The following CYP39A1 variants were observed in gnomAD, a reference collection of about 807,000 sequenced individuals.
The protein encoded by CYP39A1 is cytochrome P450 family 39 subfamily A member 1.
A neutral mutation model predicts 58.1 loss-of-function variants in CYP39A1; 49 were observed. The observed-to-expected ratio is 0.84, with a 90% CI of 0.67 to 1.07. CYP39A1 has a LOEUF of 1.07. CYP39A1 is among the 50% of genes least tolerant of loss of function. The pLI is 0.00. For missense variants in CYP39A1, 531 were observed against 539.4 expected, an observed-to-expected ratio of 0.98 and a Z score of 0.16; for synonymous variants, 209 against 187.6, an observed-to-expected ratio of 1.11 and a Z score of -0.93.
At chr6:46,625,228 C>G (rs992590632) in intron 7 of CYP39A1, among the ~76,000 whole-genome samples, 190 bp downstream of exon 7, 4 of 152,042 alleles carry the variant, frequency 2.6e-5, no homozygotes, top group Non-Finnish European at 5.9e-5. Context: ...AGGAGTTGCA[C>G]AAAAATATGC....
At chr6:46,554,809 C>CT (rs896868545) in intron 10 of CYP39A1, among the ~76,000 whole-genome samples, 2 of 151,998 alleles carry the variant, frequency 1.3e-5, no homozygotes, top group Non-Finnish European at 1.5e-5. Flanking sequence ...GCACCAAGTC[C>CT]TTTTTTTATG....
At chr6:46,616,136 CTTTCTTTCTTTCTTTCTTTCTTTCTTT>C (rs1401358459) in intron 7 of CYP39A1, among the ~76,000 whole-genome samples, 21 of 250 alleles carry the variant, frequency 0.084, 1 homozygote, top group East Asian at 0.25. Flanking sequence ...TTCTTTCTTT[CTTTCTTTCTTTCTTTCTTTCTTTCTTT>C]TTTCTTTCTT....
intron 11 of CYP39A1, among the ~76,000 whole-genome samples, 161 bp downstream of exon 11, chr6:46,553,606 C>T (rs1770522541): frequency 6.6e-6 from 1 of 152,088 alleles, no homozygotes; most frequent in African/African-American, 2.4e-5. Context: ...ATTAAGGAGA[C>T]CGAGTATCTT....
chr6:46,585,814 T>C (rs1420170256), intron 10 of CYP39A1, among the ~76,000 whole-genome samples: 1 of 152,146 alleles, frequency 6.6e-6, no homozygotes, highest in African/African-American at 2.4e-5. Flanking sequence ...GCTCCTACTA[T>C]ATTTCTGCTC....
At chr6:46,569,764 C>T (rs1239829522) in intron 10 of CYP39A1, among the ~76,000 whole-genome samples, 1 of 151,908 alleles carries the variant, frequency 6.6e-6, no homozygotes, top group Non-Finnish European at 1.5e-5. Flanking sequence ...CTGTTGAATA[C>T]AGGTGCTAGT....
At position 46,594,651 on chromosome 6, in the gene CYP39A1, A is replaced by G. The variant is rs57009443; in HGVS notation, c.1065+1336T>C. ...GACCTGTATTTCACTCCATATACAA[A>G]AATCAACTGTAATAGATTAAAGACT... On this transcript the variant is annotated intron_variant, in intron 8 of 11. Coordinates refer to ENST00000275016, the MANE Select transcript of CYP39A1 (RefSeq NM_016593.5). Among the ~76,000 whole-genome samples, 888 of 152,146 alleles carry G rather than the reference A, an allele frequency of 5.8e-3. 7 individuals are homozygous for G. Among genetic ancestry groups the G allele is most frequent in the African/African-American group, 0.02 (817 of 41,552 alleles).
chr6:46,576,210 A>G (rs1771835920), intron 10 of CYP39A1, among the ~76,000 whole-genome samples: 1 of 152,190 alleles, frequency 6.6e-6, no homozygotes, highest in South Asian at 2.1e-4. Flanking sequence ...GGATGGTACT[A>G]AATCATTCGT....
chr6:46,652,257 T>G, intron 1 of CYP39A1, 149 bp downstream of exon 1: 1 of 763,624 alleles, frequency 1.3e-6, no homozygotes, highest in Non-Finnish European at 2.0e-6. Context: ...TAATTGTTAG[T>G]AGAGGAATTC....
At chr6:46,569,272 G>C (rs1771457088) in intron 10 of CYP39A1, among the ~76,000 whole-genome samples, 2 of 152,062 alleles carry the variant, frequency 1.3e-5, no homozygotes, top group African/African-American at 4.8e-5. Flanking sequence ...TTCTAACAGT[G>C]TTTTGGGGGC....
In CYP39A1 at chr6:46,611,706, AAT is replaced by A. The variant is rs150257415; in HGVS notation, c.931+13710_931+13711del. On this transcript the variant is annotated intron_variant, in intron 7 of 11. Coordinates refer to ENST00000275016, the MANE Select transcript of CYP39A1 (RefSeq NM_016593.5). ...TTTCAAGGAATAAAGGATATAGTCC[AAT>A]ACATGATAAATAAAAGGGAGAGAAT... Among the ~76,000 whole-genome samples, 304 of 152,338 alleles carry A rather than the reference AAT, an allele frequency of 2.0e-3. 2 individuals are homozygous for A. Among genetic ancestry groups the A allele is most frequent in the African/African-American group, 7.2e-3 (298 of 41,574 alleles).
At position 46,561,272 on chromosome 6, in the gene CYP39A1, T is replaced by A. The variant is rs138269166; in HGVS notation, c.1251-7418A>T. ...TCTCCTTATCATTGTTTTAAGCCCT[T>A]CTCTAATATAAGCTTGCTATTGACC... On this transcript the variant is annotated intron_variant, in intron 10 of 11. Coordinates refer to ENST00000275016, the MANE Select transcript of CYP39A1 (RefSeq NM_016593.5). Among the ~76,000 whole-genome samples the A allele has an allele frequency of 2.6e-3, 389 of 152,158 alleles. 2 individuals carry two copies. The highest frequency in any genetic ancestry group is 9.1e-3 in the African/African-American group (376 of 41,530).
chr6:46,598,224 C>G (rs2150527433), intron 7 of CYP39A1, among the ~76,000 whole-genome samples: 1 of 152,222 alleles, frequency 6.6e-6, no homozygotes. Context: ...GTTATTTACA[C>G]TGTTATTCTC....
intron 2 of CYP39A1, among the ~76,000 whole-genome samples, chr6:46,641,779 T>G (rs145380565): frequency 3.3e-5 from 5 of 152,308 alleles, no homozygotes; most frequent in African/African-American, 9.6e-5. Flanking sequence ...GAATTCTAGT[T>G]TCAGGGACTG....
At chr6:46,619,235 A>G (rs922846568) in intron 7 of CYP39A1, among the ~76,000 whole-genome samples, 4 of 152,148 alleles carry the variant, frequency 2.6e-5, no homozygotes, top group African/African-American at 9.7e-5. Context: ...GGGATGGTTG[A>G]TAGAGCTGCA....
chr6:46,640,425 A>G (rs1776256340), intron 2 of CYP39A1, among the ~76,000 whole-genome samples: 1 of 152,130 alleles, frequency 6.6e-6, no homozygotes, highest in Admixed American at 6.5e-5. Context: ...CTTGAACACT[A>G]CTTCCACCAG....
Position 46,632,922 on chromosome 6 carries a change from G to GA in CYP39A1, c.733-1853dup, listed in dbSNP as rs550909285. ...GCTTTGATTCAGATACTATGACACA[G>GA]AAAAAAAAAACTATTCAATCACTAG... On this transcript the variant is annotated intron_variant, in intron 5 of 11. Transcript: ENST00000275016. Among the ~76,000 whole-genome samples the GA allele has an allele frequency of 7.1e-4, 104 of 146,434 alleles. No homozygotes were observed. In the South Asian group the frequency reaches 0.01, roughly 15 times the overall value.
At position 46,607,565 on chromosome 6, in the gene CYP39A1, C is replaced by T. The variant is rs76139297; in HGVS notation, c.932-11445G>A. On this transcript the variant is annotated intron_variant, in intron 7 of 11. Transcript: ENST00000275016. ...GTTTCTACAGCTTTGAAGTAATATT[C>T]ATTAAAAATTTAACTAATAACTTTG... Among the ~76,000 whole-genome samples, 381 of 151,778 alleles carry T rather than the reference C, an allele frequency of 2.5e-3. 5 individuals are homozygous for T. The East Asian group carries it at 0.027, about 11-fold the overall frequency.
At chr6:46,561,920 A>C (rs1274682909) in intron 10 of CYP39A1, among the ~76,000 whole-genome samples, 1 of 152,206 alleles carries the variant, frequency 6.6e-6, no homozygotes, top group Non-Finnish European at 1.5e-5. Flanking sequence ...ATGTTATTCA[A>C]GGGACACATT....
chr6:46,562,137 C>T (rs2150484500), intron 10 of CYP39A1, among the ~76,000 whole-genome samples: 1 of 152,252 alleles, frequency 6.6e-6, no homozygotes, highest in East Asian at 1.9e-4. Context: ...ATTCTCCTCC[C>T]TCAGCCTCCT....
Sources: gnomAD v4.1 joint callset for allele counts (sites outside exome capture counted in the v4.1 genomes callset) on GRCh38, gnomAD v4.1.1 for gene constraint, MANE v1.5 for transcripts, NCBI Gene and HGNC (gene_info 2026-07-23, HGNC 2026-07-21) for gene names.